Variants in IMMP2L observed in about 807,000 individuals in gnomAD.
The protein encoded by IMMP2L is inner mitochondrial membrane peptidase subunit 2, also known as mitochondrial inner membrane protease subunit 2.
In IMMP2L, 18 loss-of-function variants were observed where a neutral mutation model predicts 19.3. The observed-to-expected ratio is 0.93, with a 90% CI of 0.64 to 1.38. IMMP2L has a LOEUF of 1.38. Ranked by LOEUF, IMMP2L falls within the 40% of genes most tolerant of loss-of-function variation. IMMP2L has a pLI of 0.00. For missense variants in IMMP2L, 233 were observed against 218.2 expected (o/e 1.07, Z -0.43); for synonymous variants, 76 against 73.0 (o/e 1.04, Z -0.21).
rs1466506415 is a variant in IMMP2L at position 110,758,422 on chromosome 7, T to C, written c.409-94701A>G. 1.3e-5 allele frequency among the ~76,000 whole-genome samples: 2 copies of C among 152,056 alleles called. No homozygotes were observed. The highest frequency in any genetic ancestry group is 1.3e-4 in the Admixed American group (2 of 15,228). ...TAACAAACAGCACGTTAGTATGCTA[T>C]TGGAAAAGATCTTATAGACAGGATA... On this transcript the variant is annotated intron_variant, in intron 5 of 5. Coordinates refer to ENST00000405709, the MANE Select transcript of IMMP2L (RefSeq NM_032549.4). The surrounding 1 kb of genome is among the most constrained non-coding windows in gnomAD (Gnocchi z 4.6).
At chr7:111,448,459 C>T (rs1168139641) in intron 3 of IMMP2L, among the ~76,000 whole-genome samples, 1 of 149,924 alleles carries the variant, frequency 6.7e-6, no homozygotes, top group Non-Finnish European at 1.5e-5. Flanking sequence ...TGAATGACTA[C>T]TGGGTACATA....
chr7:111,177,027 G>A (rs1225549435), intron 3 of IMMP2L, among the ~76,000 whole-genome samples: 3 of 151,796 alleles, frequency 2.0e-5, no homozygotes, highest in Admixed American at 1.3e-4. Flanking sequence ...ACCAGTAAAT[G>A]TTGATGAAAA....
At chr7:111,379,717 C>T (rs972638260) in intron 3 of IMMP2L, among the ~76,000 whole-genome samples, 4 of 151,774 alleles carry the variant, frequency 2.6e-5, no homozygotes, top group Non-Finnish European at 5.9e-5. Flanking sequence ...TATTATCAAA[C>T]TCTAAATAAC....
At chr7:110,939,496 C>T (rs557177175) in intron 4 of IMMP2L, among the ~76,000 whole-genome samples, 124 of 151,690 alleles carry the variant, frequency 8.2e-4, no homozygotes, top group Non-Finnish European at 1.4e-3. Context: ...GTCTGTTCTA[C>T]GGCCCCAACT....
At chr7:110,759,064 T>C (rs771698068) in intron 5 of IMMP2L, among the ~76,000 whole-genome samples, 11 of 152,138 alleles carry the variant, frequency 7.2e-5, no homozygotes, top group Admixed American at 6.6e-5. Context: ...AACTGTTTTG[T>C]ATAAATGCAC....
intron 3 of IMMP2L, among the ~76,000 whole-genome samples, chr7:111,428,823 C>T (rs976394768): frequency 1.3e-5 from 2 of 151,840 alleles, no homozygotes; most frequent in African/African-American, 4.9e-5. Flanking sequence ...TCTACTAGAA[C>T]ATCTCCATAG....
chr7:111,333,854 C>T lies in IMMP2L; in HGVS notation c.239+153384G>A, dbSNP rs1020488597. On this transcript the variant is annotated intron_variant, in intron 3 of 5. Transcript: ENST00000405709. ...TCCTTGCTCCGCAGCTTGCAGATGG[C>T]CTATTGTGGGACCTCACCTTGTGAT... is the stretch of plus-strand genomic sequence containing the variant. Among the ~76,000 whole-genome samples the T allele has an allele frequency of 2.0e-5, 3 of 152,156 alleles. No homozygotes were observed. In the South Asian group the frequency reaches 6.2e-4, roughly 32 times the overall value.
At chr7:111,485,978 C>T (rs759355981) in intron 3 of IMMP2L, among the ~76,000 whole-genome samples, 44 of 152,202 alleles carry the variant, frequency 2.9e-4, no homozygotes, top group Non-Finnish European at 5.6e-4. Context: ...GAGGATATAA[C>T]CTTGTCAAAC....
chr7:110,921,383 A>G (rs1227055016), intron 4 of IMMP2L, among the ~76,000 whole-genome samples: 1 of 152,164 alleles, frequency 6.6e-6, no homozygotes, highest in Non-Finnish European at 1.5e-5. Context: ...AGGCACTTAT[A>G]TGGAGATGTT....
chr7:111,324,618 CAT>C (rs1825113864), intron 3 of IMMP2L, among the ~76,000 whole-genome samples: 1 of 151,592 alleles, frequency 6.6e-6, no homozygotes, highest in African/African-American at 2.4e-5. Flanking sequence ...CATTCAAAAT[CAT>C]GTGTAATATA....
chr7:110,714,538 CTTGTATGA>C (rs777109119), intron 5 of IMMP2L, among the ~76,000 whole-genome samples: 93 of 152,196 alleles, frequency 6.1e-4, no homozygotes, highest in Admixed American at 9.2e-4. Flanking sequence ...CCAGGTCTTA[CTTGTATGA>C]CTGATAGAAT....
chr7:111,154,186 G>A (rs907920719), intron 3 of IMMP2L, among the ~76,000 whole-genome samples: 1 of 150,630 alleles, frequency 6.6e-6, no homozygotes, highest in African/African-American at 2.4e-5. Context: ...ATATTTAATA[G>A]TTAGCTTAAA....
intron 3 of IMMP2L, among the ~76,000 whole-genome samples, chr7:111,433,654 C>T (rs10247627): frequency 0.047 from 7,122 of 151,456 alleles, 725 homozygotes; most frequent in African/African-American, 0.16. Context: ...TCAGACCCCA[C>T]GATTCAATTA....
At chr7:110,963,613 T>C (rs1819205426) in intron 3 of IMMP2L, 48 bp from the exon 4 acceptor site, 2 of 1,204,374 alleles carry the variant, frequency 1.7e-6, no homozygotes, top group East Asian at 2.4e-5. Flanking sequence ...CTATGTTGTT[T>C]TAGGAAGATG....
chr7:110,987,432 T>A (rs912123699), intron 3 of IMMP2L, among the ~76,000 whole-genome samples: 3 of 152,174 alleles, frequency 2.0e-5, no homozygotes, highest in Admixed American at 2.0e-4. Flanking sequence ...TTTAAAATGG[T>A]CCTTCTCATT....
chr7:110,680,792 T>C (rs1198064787), intron 5 of IMMP2L, among the ~76,000 whole-genome samples: 1 of 152,068 alleles, frequency 6.6e-6, no homozygotes, highest in Non-Finnish European at 1.5e-5. Context: ...GCCCAGCCAA[T>C]CAGATGCCCA....
chr7:111,025,989 T>G (rs1341668128), intron 3 of IMMP2L, among the ~76,000 whole-genome samples: 1 of 151,656 alleles, frequency 6.6e-6, no homozygotes, highest in Admixed American at 6.6e-5. Flanking sequence ...CTTCTCTATC[T>G]GATAGATCCT....
At chr7:110,704,820 G>A (rs889396072) in intron 5 of IMMP2L, among the ~76,000 whole-genome samples, 7 of 152,186 alleles carry the variant, frequency 4.6e-5, no homozygotes, top group Non-Finnish European at 1.0e-4. Flanking sequence ...TGGGAGGTTA[G>A]TGAGACTCTT....
intron 4 of IMMP2L, among the ~76,000 whole-genome samples, chr7:110,943,123 T>C (rs1181009285): frequency 6.6e-6 from 1 of 152,030 alleles, no homozygotes; most frequent in Non-Finnish European, 1.5e-5. Context: ...AGTTTCACGC[T>C]GTCCCAACTC....
Sources: gnomAD v4.1 joint callset for allele counts (sites outside exome capture counted in the v4.1 genomes callset) on GRCh38, gnomAD v4.1.1 for gene constraint, Gnocchi (gnomAD v3.1) non-coding constraint, MANE v1.5 for transcripts, NCBI Gene and HGNC (gene_info 2026-07-23, HGNC 2026-07-21) for gene names.